Variants in LDLRAD3 observed in about 807,000 individuals in gnomAD.
LDLRAD3 encodes low density lipoprotein receptor class A domain containing 3.
Under a neutral mutation model 29.4 loss-of-function variants are expected in LDLRAD3, and 20 were observed. The ratio of observed to expected loss-of-function variants is 0.68; its 90% CI spans 0.48 to 0.99. The LOEUF is 0.99. LDLRAD3 is among the 50% of genes least tolerant of loss of function. The probability of loss-of-function intolerance (pLI) is 0.00; values close to 1 mark genes in which losing one functional copy is unlikely to be tolerated. For synonymous variants in LDLRAD3, 157 were observed against 192.7 expected (o/e 0.81, Z 1.53); for missense variants, 420 against 454.3 (o/e 0.92, Z 0.69).
At chr11:35,948,494 A>C (rs989638578) in intron 1 of LDLRAD3, among the ~76,000 whole-genome samples, 8 of 151,362 alleles carry the variant, frequency 5.3e-5, no homozygotes, top group African/African-American at 1.9e-4. Flanking sequence ...GTGCATATGT[A>C]TGTAACTGCC....
chr11:36,111,509 A>T (rs575382004), intron 4 of LDLRAD3, among the ~76,000 whole-genome samples: 5 of 151,870 alleles, frequency 3.3e-5, no homozygotes, highest in Non-Finnish European at 7.4e-5. Context: ...TTCTTGTCAC[A>T]TCCCCCAAGT....
At chr11:35,987,058 C>G (rs1446417932) in intron 1 of LDLRAD3, among the ~76,000 whole-genome samples, 1 of 152,206 alleles carries the variant, frequency 6.6e-6, no homozygotes, top group African/African-American at 2.4e-5. Context: ...GTATTCGTCT[C>G]ATTCACGGGG....
At chr11:36,182,771 A>T (rs1392140435) in intron 4 of LDLRAD3, among the ~76,000 whole-genome samples, 1 of 152,238 alleles carries the variant, frequency 6.6e-6, no homozygotes, top group Non-Finnish European at 1.5e-5. Context: ...AGAGAAGACC[A>T]TGATGACAAA....
chr11:36,089,838 C>G (rs1317005474), intron 3 of LDLRAD3, among the ~76,000 whole-genome samples: 1 of 151,186 alleles, frequency 6.6e-6, no homozygotes, highest in Non-Finnish European at 1.5e-5. Context: ...TCTCAAACTC[C>G]TAGCCCCGAG....
intron 4 of LDLRAD3, among the ~76,000 whole-genome samples, chr11:36,217,702 C>T (rs1168333508): frequency 6.6e-6 from 1 of 152,194 alleles, no homozygotes; most frequent in Non-Finnish European, 1.5e-5. Context: ...AGGGTTTGTT[C>T]TTTCTGGAGG....
chr11:36,177,750 G>C lies in LDLRAD3; in HGVS notation c.455-49335G>C, dbSNP rs562860562. ...GTAGCAGGGGAGTGAAGTGGACTCT[G>C]TCCTTGGTTGTAATTTTGTATAGTC... On this transcript the variant is annotated intron_variant, in intron 4 of 5. Transcript: ENST00000315571. Among the ~76,000 whole-genome samples the C allele has an allele frequency of 4.6e-5, 7 of 152,314 alleles. No homozygotes were observed. In the South Asian group the frequency reaches 1.5e-3, roughly 32 times the overall value.
intron 4 of LDLRAD3, among the ~76,000 whole-genome samples, chr11:36,149,361 C>A (rs1027649590): frequency 1.3e-5 from 2 of 152,094 alleles, no homozygotes; most frequent in African/African-American, 4.8e-5. Context: ...AATGCAAAGA[C>A]CATCCTGGAT....
intron 1 of LDLRAD3, chr11:35,972,491 G>C (rs1851425616): frequency 3.3e-5 from 5 of 151,846 alleles, no homozygotes; most frequent in Admixed American, 3.3e-4. Flanking sequence ...TCTCATCCCT[G>C]CTGCTTCACT....
At position 36,138,075 on chromosome 11, in the gene LDLRAD3, A is replaced by C. The variant is rs115318874; in HGVS notation, c.454+39614A>C. 6.6e-3 allele frequency among the ~76,000 whole-genome samples: 1,002 copies of C among 152,290 alleles called. 9 individuals are homozygous for C. The highest frequency in any genetic ancestry group is 0.023 in the African/African-American group (943 of 41,548). On this transcript the variant is annotated intron_variant, in intron 4 of 5. Transcript: ENST00000315571. ...GAGGTGCATCACCCTGAGTGCTTGA[A>C]GATCAGGGAGTTGGGTCCAAGGCTG...
intron 4 of LDLRAD3, among the ~76,000 whole-genome samples, chr11:36,170,359 TAC>T (rs1267261515): frequency 2.0e-5 from 3 of 150,526 alleles, no homozygotes; most frequent in Admixed American, 6.7e-5. Flanking sequence ...TACATATATA[TAC>T]ACACACACAT....
chr11:36,087,715 A>ATT (rs200090248), intron 3 of LDLRAD3, among the ~76,000 whole-genome samples: 1 of 148,684 alleles, frequency 6.7e-6, no homozygotes, highest in African/African-American at 2.5e-5. Context: ...AGTATATATA[A>ATT]TTTTTTTTTT....
chr11:36,143,198 A>C (rs923664863), intron 4 of LDLRAD3, among the ~76,000 whole-genome samples: 1 of 152,128 alleles, frequency 6.6e-6, no homozygotes, highest in African/African-American at 2.4e-5. Context: ...TCTGAACCCA[A>C]TTCTGTCTGT....
At position 36,229,267 on chromosome 11, in the gene LDLRAD3, C is replaced by A. The variant is rs574146494; in HGVS notation, c.908C>A (p.Ala303Asp). 5.0e-6 allele frequency: 8 copies of A among 1,614,132 alleles called. No homozygotes were observed. In the South Asian group the frequency reaches 7.7e-5, roughly 16 times the overall value. ...TCCCGGTCCGGGAGTGCCAACAGTGCCAGCTCCCAGGCAGCCAGCAGCCTC... is the reference window on the plus strand; with the variant it reads ...TCCCGGTCCGGGAGTGCCAACAGTGACAGCTCCCAGGCAGCCAGCAGCCTC... ...YRSRSGSANS[A>D]SSQAASSLLS... The change falls in exon 6 of 6, where the codon GCC becomes GAC. Residue 303 changes from alanine (A) to aspartate (D), a missense_variant. Physicochemically the swap from Ala to Asp is moderately radical, Grantham distance 126 (BLOSUM62 -2). This residue lies in a region of LDLRAD3 where 140 missense variants were observed against 139.9 expected (regional missense o/e 1.00). Coordinates refer to ENST00000315571, the MANE Select transcript of LDLRAD3 (RefSeq NM_174902.4).
intron 1 of LDLRAD3, among the ~76,000 whole-genome samples, chr11:35,998,704 A>T (rs1851785613): frequency 6.6e-6 from 1 of 152,230 alleles, no homozygotes; most frequent in African/African-American, 2.4e-5. Flanking sequence ...TGATGGCTCC[A>T]GGAATCCTCT....
intron 3 of LDLRAD3, among the ~76,000 whole-genome samples, chr11:36,092,541 C>A (rs149053921): frequency 1.4e-3 from 216 of 152,156 alleles, no homozygotes; most frequent in Non-Finnish European, 2.3e-3. Flanking sequence ...TCACCCTTCC[C>A]AGTCTCTGTT....
intron 4 of LDLRAD3, among the ~76,000 whole-genome samples, chr11:36,112,443 G>A (rs1853618768): frequency 6.6e-6 from 1 of 152,152 alleles, no homozygotes; most frequent in Non-Finnish European, 1.5e-5. Flanking sequence ...GAGTGCCAGG[G>A]GACTTAATGT....
chr11:36,098,982 C>A (rs149638524), intron 4 of LDLRAD3, among the ~76,000 whole-genome samples: 107 of 143,122 alleles, frequency 7.5e-4, no homozygotes, highest in African/African-American at 2.6e-3. Flanking sequence ...ATCACAACTG[C>A]TGCCCTATTT....
rs1851344420 is a variant in LDLRAD3 at position 35,966,556 on chromosome 11, C to T, written c.46+22412C>T. 7.2e-5 allele frequency among the ~76,000 whole-genome samples: 11 copies of T among 152,272 alleles called. No homozygotes were observed. The South Asian group carries it at 2.3e-3, about 32-fold the overall frequency. On this transcript the variant is annotated intron_variant, in intron 1 of 5. Transcript: ENST00000315571. Reference sequence around the variant, plus strand: ...ATAAAATAAAGGGAAATTGGTGAGGCTTGGAACATCAAACCAGTCAGAACG... The same window carrying T: ...ATAAAATAAAGGGAAATTGGTGAGGTTTGGAACATCAAACCAGTCAGAACG...
chr11:36,027,401 G>A (rs563099278), intron 1 of LDLRAD3, among the ~76,000 whole-genome samples: 10 of 152,130 alleles, frequency 6.6e-5, no homozygotes, highest in Non-Finnish European at 1.5e-4. Flanking sequence ...GGTTATACAT[G>A]TGGCAGATAA....
Sources: gnomAD v4.1 joint callset for allele counts (sites outside exome capture counted in the v4.1 genomes callset) on GRCh38, gnomAD v4.1.1 for gene constraint, gnomAD v4.1.1 regional missense constraint, MANE v1.5 for transcripts, NCBI Gene and HGNC (gene_info 2026-07-23, HGNC 2026-07-21) for gene names.